The following RANBP3L variants were observed in gnomAD, a reference collection of about 807,000 sequenced individuals.
RANBP3L encodes the protein ran-binding protein 3-like.
In RANBP3L, 56 loss-of-function variants were observed where a neutral mutation model predicts 67.2. The ratio of observed to expected loss-of-function variants is 0.83; its 90% CI spans 0.67 to 1.04. The LOEUF (loss-of-function observed/expected upper bound fraction) is 1.04, where lower values mean the gene tolerates loss of function less well. Ranked by LOEUF, RANBP3L falls within the 50% of genes least tolerant of loss-of-function variation. The pLI, the probability that RANBP3L is intolerant of heterozygous loss-of-function variation, is 0.00. For synonymous variants in RANBP3L, 164 were observed against 181.4 expected, an observed-to-expected ratio of 0.90 and a Z score of 0.77; for missense variants, 496 against 535.5, an observed-to-expected ratio of 0.93 and a Z score of 0.73.
intron 11 of RANBP3L, 33 bp from the exon 12 acceptor site, chr5:36,253,822 G>C: frequency 6.2e-7 from 1 of 1,604,872 alleles, no homozygotes; most frequent in African/African-American, 1.3e-5. Flanking sequence ...TCAGGCCACA[G>C]AACAGTTGAC....
At chr5:36,252,660 G>A (rs1362419070) in intron 12 of RANBP3L, among the ~76,000 whole-genome samples, 1 of 152,058 alleles carries the variant, frequency 6.6e-6, no homozygotes, top group Non-Finnish European at 1.5e-5. Context: ...GACCATCTCT[G>A]AAGATGGAAT....
Position 36,269,963 on chromosome 5 carries a change from C to G in RANBP3L, c.178G>C (p.Ala60Pro). Residue 60 changes from alanine to proline, a missense_variant, in exon 3 of 14, where the codon GCA (alanine) becomes CCA (proline). Transcript: ENST00000296604. ...TGAAAATCATTACCTGGTTCTGCTG[C>G]TTCATACAGGGTGTCTTCTGCAGGT... ...KRPAEDTLYE[A>P]AEPECNGFPT... 6.2e-7 allele frequency: 1 copy of G among 1,613,474 alleles called. No homozygotes were observed. Among genetic ancestry groups the G allele is most frequent in the Non-Finnish European group, 8.5e-7 (1 of 1,179,382 alleles).
intron 1 of RANBP3L, among the ~76,000 whole-genome samples, chr5:36,284,856 T>C (rs1751215817): frequency 1.3e-5 from 2 of 152,228 alleles, no homozygotes; most frequent in Non-Finnish European, 2.9e-5. Context: ...TGGTAATTCA[T>C]ATAGAAATTA....
intron 13 of RANBP3L, among the ~76,000 whole-genome samples, chr5:36,250,441 A>G (rs1748514056): frequency 6.6e-6 from 1 of 152,038 alleles, no homozygotes; most frequent in Non-Finnish European, 1.5e-5. Context: ...GCAAAGGAAG[A>G]TATTTCATCC....
chr5:36,261,306 C>CT (rs1749368560), intron 7 of RANBP3L, among the ~76,000 whole-genome samples: 1 of 151,974 alleles, frequency 6.6e-6, no homozygotes. Context: ...CTCCCAGAAA[C>CT]TTTTTTTTAA....
chr5:36,257,213 T>C (rs932640216), intron 9 of RANBP3L, 142 bp from the exon 10 acceptor site: 1 of 721,336 alleles, frequency 1.4e-6, no homozygotes, highest in African/African-American at 1.8e-5. Context: ...CTTGAGTTGG[T>C]GTAAAATCTC....
chr5:36,257,938 A>T (rs550752993), intron 8 of RANBP3L, among the ~76,000 whole-genome samples: 129 of 152,310 alleles, frequency 8.5e-4, no homozygotes, highest in African/African-American at 3.0e-3. Context: ...GGGAGTTAAA[A>T]AGTATAATTC....
rs142846323 is a variant in RANBP3L, at chr5:36,253,789, A to C, written c.1025T>G (p.Ile342Ser). The change falls in exon 12 of 14, where the codon ATT becomes AGT. Residue 342 changes from isoleucine to serine, a missense_variant and splice_region_variant. Transcript: ENST00000296604. ...TDCGTLQSRL[I>S]MRNQGSLRLI... The stretch of plus-strand genomic sequence containing the variant: ...CCTTAGACTGCCTTGATTGCGCATA[A>C]CTAAAATAGGAAGGTGACTACATCA... 5.6e-6 allele frequency: 9 copies of C among 1,612,166 alleles called. No individual in the cohort carries two copies. The highest frequency in any genetic ancestry group is 6.8e-6 in the Non-Finnish European group (8 of 1,178,948).
In RANBP3L at chr5:36,291,394, T is replaced by C. The variant is rs183760981; in HGVS notation, c.91+9932A>G. ...TTTTTTCAGTTTTAGCTGTATCTTA[T>C]TTATTTTTATTATTATTATTATACT... On this transcript the variant is annotated intron_variant, in intron 1 of 13. Transcript: ENST00000296604. Among the ~76,000 whole-genome samples, 806 of 151,904 alleles carry C rather than the reference T, an allele frequency of 5.3e-3. 4 individuals are homozygous for C. The highest frequency in any genetic ancestry group is 0.01 in the Middle Eastern group (3 of 292).
chr5:36,279,705 A>G (rs1274764216), intron 1 of RANBP3L, among the ~76,000 whole-genome samples: 1 of 152,072 alleles, frequency 6.6e-6, no homozygotes, highest in East Asian at 1.9e-4. Context: ...AAGGGTAGGA[A>G]CACTTATCCC....
intron 1 of RANBP3L, among the ~76,000 whole-genome samples, chr5:36,274,840 C>T (rs1440726169): frequency 6.6e-6 from 1 of 152,032 alleles, no homozygotes; most frequent in African/African-American, 2.4e-5. Context: ...TAGAAAAGAG[C>T]TGATGAGGCT....
intron 1 of RANBP3L, among the ~76,000 whole-genome samples, chr5:36,299,090 C>G (rs184431872): frequency 6.6e-6 from 1 of 152,106 alleles, no homozygotes; most frequent in East Asian, 1.9e-4. Flanking sequence ...GGCAAAAAAA[C>G]GTGAAAAGGT....
At chr5:36,269,293 G>T in intron 4 of RANBP3L, 97 bp downstream of exon 4, 2 of 744,188 alleles carry the variant, frequency 2.7e-6, no homozygotes, top group Non-Finnish European at 4.8e-6. Context: ...TATTCAGCTG[G>T]CAAGCTTTTA....
chr5:36,296,722 A>T (rs1474110523), intron 1 of RANBP3L, among the ~76,000 whole-genome samples: 1 of 152,150 alleles, frequency 6.6e-6, no homozygotes, highest in Non-Finnish European at 1.5e-5. Flanking sequence ...TATTTTGTCA[A>T]CATTCTGAAT....
rs199675493 is a variant in RANBP3L, at chr5:36,256,944, T to C, written c.900A>G (p.Leu300=). Residue 300 remains leucine (L), a synonymous_variant, in exon 10 of 14, where the codon TTA becomes TTG. Coordinates refer to ENST00000296604, the MANE Select transcript of RANBP3L (RefSeq NM_145000.5). ...GAGTAAAACATGATATACAGACCTT[T>C]AACACATTATGTTCTGTTTCCTCCC... ...ITGEETEHNV[L]KINCKLFIFN... is the part of the protein sequence containing the mutation. The C allele has an allele frequency of 6.2e-7, 1 of 1,612,712 alleles. No individual in the cohort carries two copies. Among genetic ancestry groups the C allele is most frequent in the East Asian group, 2.2e-5 (1 of 44,790 alleles).
chr5:36,271,639 G>A (rs1579724877), intron 1 of RANBP3L, among the ~76,000 whole-genome samples: 1 of 152,088 alleles, frequency 6.6e-6, no homozygotes, highest in Non-Finnish European at 1.5e-5. Flanking sequence ...TAACACCATT[G>A]CTTTAAGAAT....
In RANBP3L at chr5:36,289,743, G is replaced by A. The variant is rs183940193; in HGVS notation, c.91+11583C>T. On this transcript the variant is annotated intron_variant, in intron 1 of 13. Coordinates refer to ENST00000296604, the MANE Select transcript of RANBP3L (RefSeq NM_145000.5). Reference sequence around the variant, plus strand: ...GTTGACTTTGTAGCCTGATACCTTAGTAAATGCATTTATTAGTTCTAGCAT... The same window carrying A: ...GTTGACTTTGTAGCCTGATACCTTAATAAATGCATTTATTAGTTCTAGCAT... Among the ~76,000 whole-genome samples the A allele has an allele frequency of 8.1e-3, 1,230 of 151,160 alleles. 19 individuals are homozygous for A. Among genetic ancestry groups the A allele is most frequent in the African/African-American group, 0.028 (1,164 of 41,200 alleles).
intron 1 of RANBP3L, among the ~76,000 whole-genome samples, chr5:36,283,539 T>TACACAC (rs3086448): frequency 0.05 from 7,306 of 144,728 alleles, 302 homozygotes; most frequent in East Asian, 0.22. Flanking sequence ...TATATAAAAA[T>TACACAC]ACACACACAC....
At chr5:36,255,345 C>T in intron 11 of RANBP3L, 125 bp downstream of exon 11, 1 of 913,572 alleles carries the variant, frequency 1.1e-6, no homozygotes, top group Non-Finnish European at 1.6e-6. Context: ...GAAATATTTT[C>T]AACAGTCTGA....
Sources: gnomAD v4.1 joint callset for allele counts (sites outside exome capture counted in the v4.1 genomes callset) on GRCh38, gnomAD v4.1.1 for gene constraint, MANE v1.5 for transcripts, NCBI Gene and HGNC (gene_info 2026-07-23, HGNC 2026-07-21) for gene names.